The following STARD13 variants were observed in gnomAD, a reference collection of about 807,000 sequenced individuals.
STARD13 encodes StAR related lipid transfer domain containing 13, also known as stAR-related lipid transfer protein 13.
Under a neutral mutation model 106.4 loss-of-function variants are expected in STARD13, and 62 were observed. That is an observed-to-expected ratio of 0.58 (90% CI 0.48 to 0.72). The LOEUF (loss-of-function observed/expected upper bound fraction) is 0.72, where lower values mean the gene tolerates loss of function less well. Ranked by LOEUF, STARD13 falls within the 30% of genes least tolerant of loss-of-function variation. The probability of loss-of-function intolerance (pLI) is 0.00; values close to 1 mark genes in which losing one functional copy is unlikely to be tolerated. For missense variants in STARD13, 1,387 were observed against 1,424.0 expected (o/e 0.97, Z 0.42); for synonymous variants, 565 against 553.0 (o/e 1.02, Z -0.31).
chr13:33,362,557 G>T, the STARD13 span, among the ~76,000 whole-genome samples: 1 of 152,244 alleles, frequency 6.6e-6, no homozygotes, highest in East Asian at 1.9e-4. Flanking sequence ...GTAACCCTGG[G>T]TCTCTGTTTT....
the STARD13 span, among the ~76,000 whole-genome samples, chr13:33,514,567 C>T: frequency 8.5e-5 from 13 of 152,098 alleles, no homozygotes; most frequent in East Asian, 2.3e-3. Flanking sequence ...CAGTGTTTAA[C>T]AGTAGGTGCC....
chr13:33,520,434 A>G, the STARD13 span, among the ~76,000 whole-genome samples: 1 of 152,160 alleles, frequency 6.6e-6, no homozygotes, highest in Non-Finnish European at 1.5e-5. Flanking sequence ...TGCAGAAGAC[A>G]TAAGGACCTA....
chr13:33,652,536 C>A, the STARD13 span, among the ~76,000 whole-genome samples: 353 of 152,336 alleles, frequency 2.3e-3, no homozygotes, highest in Non-Finnish European at 1.9e-3. Context: ...AAGTAAAACT[C>A]TTAACAGCTT....
the STARD13 span, among the ~76,000 whole-genome samples, chr13:33,453,721 T>A: frequency 6.6e-6 from 1 of 152,188 alleles, no homozygotes; most frequent in Admixed American, 6.5e-5. Context: ...TGCTGCATGC[T>A]ACCATTTTAA....
chr13:33,676,143 A>G, the STARD13 span, among the ~76,000 whole-genome samples: 7 of 152,196 alleles, frequency 4.6e-5, no homozygotes, highest in African/African-American at 1.2e-4. Flanking sequence ...CTAACACCTG[A>G]TCCCAACAGA....
the STARD13 span, among the ~76,000 whole-genome samples, chr13:33,388,337 G>A: frequency 3.3e-5 from 5 of 152,196 alleles, no homozygotes; most frequent in African/African-American, 1.2e-4. Flanking sequence ...GCCTAGAAGA[G>A]GCCAGTTTGT....
chr13:33,556,589 T>A, the STARD13 span, among the ~76,000 whole-genome samples: 1 of 152,314 alleles, frequency 6.6e-6, no homozygotes, highest in African/African-American at 2.4e-5. Context: ...GTCTTTTCCT[T>A]ACTCCTACTT....
chr13:33,203,700 A>T (rs1887211929), intron 1 of STARD13, among the ~76,000 whole-genome samples: 1 of 152,272 alleles, frequency 6.6e-6, no homozygotes, highest in African/African-American at 2.4e-5. Flanking sequence ...GAGAAAAAAA[A>T]TAGATGCAAA....
At chr13:33,470,752 C>T in the STARD13 span, among the ~76,000 whole-genome samples, 1 of 152,098 alleles carries the variant, frequency 6.6e-6, no homozygotes, top group African/African-American at 2.4e-5. Context: ...ATATCCTTTG[C>T]CCACTTTTTG....
chr13:33,573,926 A>G, the STARD13 span, among the ~76,000 whole-genome samples: 6 of 152,180 alleles, frequency 3.9e-5, no homozygotes, highest in African/African-American at 7.2e-5. Flanking sequence ...AGGTATTTTT[A>G]TAATATATTC....
At chr13:33,621,416 G>T in the STARD13 span, among the ~76,000 whole-genome samples, 5,656 of 151,926 alleles carry the variant, frequency 0.037, 316 homozygotes, top group African/African-American at 0.13. Flanking sequence ...AGTCGCTTAC[G>T]CCTGTAATCC....
the STARD13 span, among the ~76,000 whole-genome samples, chr13:33,586,328 C>CATT: frequency 2.0e-5 from 3 of 152,094 alleles, no homozygotes. Flanking sequence ...AGGGTTATCG[C>CATT]CCTTTCCTGC....
At chr13:33,176,671 G>T (rs1884551838) in intron 1 of STARD13, among the ~76,000 whole-genome samples, 2 of 152,152 alleles carry the variant, frequency 1.3e-5, no homozygotes, top group Admixed American at 6.5e-5. Context: ...AAGAGATGAA[G>T]TTCTCCACTG....
intron 1 of STARD13, among the ~76,000 whole-genome samples, chr13:33,325,661 C>A (rs2077765147): frequency 6.6e-6 from 1 of 152,108 alleles, no homozygotes; most frequent in African/African-American, 2.4e-5. Flanking sequence ...AGAAAGTCAT[C>A]TTGAGTCCTG....
chr13:33,256,455 T>C (rs2138306302), intron 1 of STARD13, among the ~76,000 whole-genome samples: 1 of 152,318 alleles, frequency 6.6e-6, no homozygotes, highest in Non-Finnish European at 1.5e-5. Flanking sequence ...TTTACTCCTG[T>C]TCCTTCAGAA....
intron 3 of STARD13, among the ~76,000 whole-genome samples, chr13:33,153,304 C>T (rs935606638): frequency 2.6e-4 from 40 of 152,170 alleles, no homozygotes; most frequent in African/African-American, 9.2e-4. Flanking sequence ...GCATGGTCAG[C>T]AGACCCTAAT....
At chr13:33,193,114 T>C (rs1226729009) in intron 1 of STARD13, among the ~76,000 whole-genome samples, 2 of 152,218 alleles carry the variant, frequency 1.3e-5, no homozygotes, top group East Asian at 1.9e-4. Context: ...GTATAAATTA[T>C]AAATAAAAAT....
At chr13:33,112,209 T>C (rs1272661857) in intron 9 of STARD13, among the ~76,000 whole-genome samples, 7 of 152,204 alleles carry the variant, frequency 4.6e-5, no homozygotes, top group Admixed American at 4.6e-4. Context: ...CTTTTAAAAA[T>C]TGTAAAATAC....
rs1332879330 is a variant in STARD13, at chr13:33,350,273, G to T, written c.124+17C>A. 7.2e-6 allele frequency: 11 copies of T among 1,522,616 alleles called. No individual in the cohort carries two copies. The South Asian group carries it at 9.7e-5, about 13-fold the overall frequency. 94.3% of individuals were successfully genotyped at this position (1,522,616 alleles called of 1,614,324 possible). ...CTCCCCCGCCCCCGTGGGTCGCGGC[G>T]TCTCCGGGGCACTGACCTGCCAGCC... is the stretch of plus-strand genomic sequence containing the variant. On this transcript the variant is annotated intron_variant, in intron 1 of 1. Transcript: ENST00000439831.
Sources: allele counts gnomAD v4.1 joint callset (sites outside exome capture counted in the v4.1 genomes callset), GRCh38; gene constraint gnomAD v4.1.1; transcripts MANE v1.5; gene names NCBI Gene and HGNC (gene_info 2026-07-23, HGNC 2026-07-21).